The following RASGRF2 variants were observed in gnomAD, a reference collection of about 807,000 sequenced individuals.
RASGRF2 encodes Ras protein specific guanine nucleotide releasing factor 2.
Under a neutral mutation model 151.0 loss-of-function variants are expected in RASGRF2, and 76 were observed. That is an observed-to-expected ratio of 0.50 (90% CI 0.42 to 0.61). The LOEUF (loss-of-function observed/expected upper bound fraction) is 0.61. Ranked by LOEUF, RASGRF2 falls within the 20% of genes least tolerant of loss-of-function variation. RASGRF2 has a pLI of 0.00. For synonymous variants in RASGRF2, 504 were observed against 566.5 expected, an observed-to-expected ratio of 0.89 and a Z score of 1.57; for missense variants, 1,148 against 1,564.6, an observed-to-expected ratio of 0.73 and a Z score of 4.49.
intron 17 of RASGRF2, 39 bp from the exon 18 acceptor site, chr5:81,180,136 C>T: frequency 3.2e-6 from 4 of 1,257,070 alleles, no homozygotes; most frequent in Non-Finnish European, 4.7e-6. Flanking sequence ...TAGGGAGTGG[C>T]TTTAACTGCA....
rs764108045 is a variant in RASGRF2, at chr5:81,219,734, C to A, written c.3577C>A (p.Arg1193Ser). ...GATATCACACATCATCAGAGAGATA[C>A]GCCAGTTCCAGCAGACTTCCTACAG... ...RMISHIIREI[R>S]QFQQTSYRID... Residue 1193 changes from arginine (R) to serine (S), a missense_variant, in exon 26 of 27, where the codon CGC becomes AGC. By Grantham distance (110) the Arg-to-Ser change is moderately radical. This residue lies in a region of RASGRF2 where 100 missense variants were observed against 148.2 expected (regional missense o/e 0.67). Transcript: ENST00000265080. 6.2e-7 allele frequency: 1 copy of A among 1,611,046 alleles called. No homozygotes were observed. The highest frequency in any genetic ancestry group is 8.5e-7 in the Non-Finnish European group (1 of 1,177,492).
intron 17 of RASGRF2, among the ~76,000 whole-genome samples, chr5:81,173,847 G>A (rs1030503105): frequency 1.3e-5 from 2 of 152,174 alleles, no homozygotes; most frequent in Non-Finnish European, 2.9e-5. Context: ...ATCTCCTCCT[G>A]CTTTATAGAG....
At chr5:81,091,977 A>G (rs1752402020) in intron 9 of RASGRF2, among the ~76,000 whole-genome samples, 1 of 152,208 alleles carries the variant, frequency 6.6e-6, no homozygotes, top group Admixed American at 6.5e-5. Context: ...AGAGGTTGGC[A>G]AGAATCTTTG....
rs202044259 is a variant in RASGRF2, at chr5:81,212,486, G to A, written c.3277G>A (p.Val1093Met). The A allele has an allele frequency of 3.8e-5, 61 of 1,613,626 alleles. No homozygotes were observed. The highest frequency in any genetic ancestry group is 1.1e-4 in the African/African-American group (8 of 74,884). The change falls in exon 23 of 27, where the codon GTG becomes ATG. Residue 1093 changes from valine (V) to methionine (M), a missense_variant. This residue lies in a region of RASGRF2 where 5 missense variants were observed against 28.1 expected (regional missense o/e 0.18). Coordinates refer to ENST00000265080, the MANE Select transcript of RASGRF2 (RefSeq NM_006909.3). The stretch of plus-strand genomic sequence containing the variant: ...CCGATGCCTGCACAACTACAACGGC[G>A]TGCTGGAGATCACCTCGGCCTTAAA... Reference protein sequence around the residue: ...ICRCLHNYNGVLEITSALNRS... With the variant: ...ICRCLHNYNGMLEITSALNRS...
chr5:81,086,763 G>A lies in RASGRF2; in HGVS notation c.1272-72G>A. 2.4e-6 allele frequency: 3 copies of A among 1,241,428 alleles called. No individual in the cohort carries two copies. The East Asian group carries it at 7.0e-5, about 29-fold the overall frequency. 76.9% of individuals were successfully genotyped at this position (1,241,428 alleles called of 1,614,324 possible). A position where few individuals can be genotyped will look rare whatever the true frequency, so the allele number is the denominator to read the frequency against. ...CTTGCAACCGAGCTTCTCAGATGGAGCTCTTCTTTGCCTACATGCTAGGGC... is the reference window on the plus strand; with the variant it reads ...CTTGCAACCGAGCTTCTCAGATGGAACTCTTCTTTGCCTACATGCTAGGGC... On this transcript the variant is annotated intron_variant, in intron 8 of 26. Transcript: ENST00000265080.
chr5:81,142,581 T>G (rs1368334265), intron 17 of RASGRF2, among the ~76,000 whole-genome samples: 1 of 152,160 alleles, frequency 6.6e-6, no homozygotes, highest in African/African-American at 2.4e-5. Context: ...CCTTATTTCT[T>G]ATTCATCTCC....
intron 18 of RASGRF2, among the ~76,000 whole-genome samples, chr5:81,183,961 A>G (rs1245308477): frequency 6.6e-6 from 1 of 152,258 alleles, no homozygotes; most frequent in Non-Finnish European, 1.5e-5. Context: ...TCACCCTACA[A>G]CCAGCCTGTA....
intron 1 of RASGRF2, among the ~76,000 whole-genome samples, chr5:81,008,217 C>G (rs1252819664): frequency 7.8e-6 from 1 of 128,260 alleles, no homozygotes. Flanking sequence ...GTGGCACAAT[C>G]TCGGCTCACT....
chr5:81,063,265 T>C lies in RASGRF2; in HGVS notation c.396-4767T>C, dbSNP rs146921860. 8.6e-3 allele frequency among the ~76,000 whole-genome samples: 1,305 copies of C among 152,218 alleles called. 7 individuals are homozygous for C. The highest frequency in any genetic ancestry group is 0.032 in the South Asian group (152 of 4,814). ...TCTTCCATTTCTGTTTTTTCTTTTT[T>C]AGATGGAGTCTCTCTCTGTTGCCCA... On this transcript the variant is annotated intron_variant, in intron 2 of 26. Coordinates refer to ENST00000265080, the MANE Select transcript of RASGRF2 (RefSeq NM_006909.3).
rs568949867 is a variant in RASGRF2, at chr5:81,079,237, A to G, written c.888-884A>G. On this transcript the variant is annotated intron_variant, in intron 5 of 26. Coordinates refer to ENST00000265080, the MANE Select transcript of RASGRF2 (RefSeq NM_006909.3). ...AATGACTAACCTATAATACCTGCCAAAGTAGATTTGGTTGAAATCCTTGAA... is the reference window on the plus strand; with the variant it reads ...AATGACTAACCTATAATACCTGCCAGAGTAGATTTGGTTGAAATCCTTGAA... Among the ~76,000 whole-genome samples the G allele has an allele frequency of 3.9e-5, 6 of 152,360 alleles. No homozygotes were observed. The South Asian group carries it at 1.2e-3, about 32-fold the overall frequency.
chr5:81,166,821 TGAG>T (rs1355065098), intron 17 of RASGRF2, among the ~76,000 whole-genome samples: 1 of 152,124 alleles, frequency 6.6e-6, no homozygotes, highest in Non-Finnish European at 1.5e-5. Flanking sequence ...GAACCCGAGA[TGAG>T]GGGATTTTTC....
At chr5:81,123,066 C>T (rs1753352305) in intron 15 of RASGRF2, among the ~76,000 whole-genome samples, 1 of 152,126 alleles carries the variant, frequency 6.6e-6, no homozygotes, top group Admixed American at 6.5e-5. Context: ...GCTGAGCACT[C>T]AATGTAGTGC....
chr5:81,110,535 A>G (rs1192401983), intron 13 of RASGRF2, among the ~76,000 whole-genome samples: 1 of 152,224 alleles, frequency 6.6e-6, no homozygotes, highest in Non-Finnish European at 1.5e-5. Flanking sequence ...TAGTGTTTCA[A>G]ATAAGCTAAT....
chr5:81,098,726 T>TG (rs1752617167), intron 12 of RASGRF2, among the ~76,000 whole-genome samples: 2 of 152,210 alleles, frequency 1.3e-5, no homozygotes. Flanking sequence ...GACAGAGTGC[T>TG]GTGCTCTTGA....
At chr5:81,053,853 G>T (rs1751104999) in intron 2 of RASGRF2, among the ~76,000 whole-genome samples, 1 of 152,208 alleles carries the variant, frequency 6.6e-6, no homozygotes, top group African/African-American at 2.4e-5. Context: ...TTGTGGTTTT[G>T]ATTTGCATTT....
chr5:81,172,442 T>TGC (rs1228448267), intron 17 of RASGRF2, among the ~76,000 whole-genome samples: 17 of 118,616 alleles, frequency 1.4e-4, no homozygotes, highest in Non-Finnish European at 3.2e-4. Context: ...TGCGTGTGTG[T>TGC]GTGTGTGTGT....
At chr5:81,218,300 A>G (rs917023523) in intron 25 of RASGRF2, among the ~76,000 whole-genome samples, 9 of 152,148 alleles carry the variant, frequency 5.9e-5, no homozygotes, top group African/African-American at 1.2e-4. Flanking sequence ...GGTTTTTCCA[A>G]TGTTATCTTC....
chr5:81,063,805 G>A (rs141018986), intron 2 of RASGRF2, among the ~76,000 whole-genome samples: 176 of 151,824 alleles, frequency 1.2e-3, no homozygotes, highest in African/African-American at 3.9e-3. Context: ...TTTTTTCCAA[G>A]AACGCTTTTT....
In RASGRF2 at chr5:81,228,931, T is replaced by G. The variant is rs892837390; in HGVS notation, c.*3161T>G. 2.6e-5 allele frequency: 4 copies of G among 152,202 alleles called. No homozygotes were observed. The highest frequency in any genetic ancestry group is 6.5e-5 in the Admixed American group (1 of 15,280). 9.4% of individuals were successfully genotyped at this position (152,202 alleles called of 1,614,324 possible). A position where few individuals can be genotyped will look rare whatever the true frequency, so the allele number is the denominator to read the frequency against. ...AGTACTACTTATAAACAAATGAAAC[T>G]CAGAGAAACTGAATCACCTGGAAGA... is the stretch of plus-strand genomic sequence containing the variant. On this transcript the variant is annotated 3_prime_UTR_variant, in exon 27 of 27. Coordinates refer to ENST00000265080, the MANE Select transcript of RASGRF2 (RefSeq NM_006909.3).
Sources: allele counts gnomAD v4.1 joint callset (sites outside exome capture counted in the v4.1 genomes callset), GRCh38; gene constraint gnomAD v4.1.1; regional missense constraint gnomAD v4.1.1; transcripts MANE v1.5; gene names NCBI Gene and HGNC (gene_info 2026-07-23, HGNC 2026-07-21).